Variants in DNAH8 observed in about 807,000 individuals in gnomAD.
DNAH8 encodes dynein axonemal heavy chain 8, also known as axonemal beta dynein heavy chain 8.
A neutral mutation model predicts 562.1 loss-of-function variants in DNAH8; 382 were observed. The observed-to-expected ratio is 0.68, with a 90% confidence interval of 0.63 to 0.74. The LOEUF (loss-of-function observed/expected upper bound fraction) is 0.74, where lower values mean the gene tolerates loss of function less well. Among genes scored for constraint, DNAH8 ranks in the 30% least tolerant of loss-of-function variants. The pLI, the probability that DNAH8 is intolerant of heterozygous loss-of-function variation, is 0.00. For missense variants in DNAH8, 5,203 were observed against 5,620.4 expected, an observed-to-expected ratio of 0.93 and a Z score of 2.37; for synonymous variants, 1,881 against 1,919.4, an observed-to-expected ratio of 0.98 and a Z score of 0.52.
intron 53 of DNAH8, among the ~76,000 whole-genome samples, chr6:38,880,759 G>A (rs61264938): frequency 6.6e-6 from 1 of 152,246 alleles, no homozygotes; most frequent in Admixed American, 6.5e-5. Flanking sequence ...TGGGTGCAGT[G>A]GCTCATGCCT....
At chr6:38,945,913 C>T (rs1761377618) in intron 80 of DNAH8, among the ~76,000 whole-genome samples, 1 of 152,152 alleles carries the variant, frequency 6.6e-6, no homozygotes, top group African/African-American at 2.4e-5. Flanking sequence ...ACTTTAACTT[C>T]TGCCTATGAT....
intron 43 of DNAH8, among the ~76,000 whole-genome samples, chr6:38,861,450 T>C (rs1032781482): frequency 6.6e-6 from 1 of 152,224 alleles, no homozygotes; most frequent in African/African-American, 2.4e-5. Flanking sequence ...AGATTTATTA[T>C]ATTAGTATTC....
chr6:38,828,963 T>G (rs888226963), intron 30 of DNAH8, among the ~76,000 whole-genome samples: 1 of 152,188 alleles, frequency 6.6e-6, no homozygotes, highest in African/African-American at 2.4e-5. Context: ...TCTGGACATT[T>G]AATGTAGACT....
intron 11 of DNAH8, among the ~76,000 whole-genome samples, chr6:38,766,856 TG>T (rs1416985985): frequency 6.6e-6 from 1 of 152,106 alleles, no homozygotes; most frequent in Non-Finnish European, 1.5e-5. Flanking sequence ...TCAATAAAAC[TG>T]GAAAAAAATA....
intron 83 of DNAH8, chr6:38,972,093 G>A (rs1763389479): frequency 6.5e-6 from 1 of 153,766 alleles, no homozygotes; most frequent in Non-Finnish European, 1.4e-5. Flanking sequence ...AGGATGCTAT[G>A]TTTAAATACT....
chr6:38,872,650 CAT>C lies in DNAH8; in HGVS notation c.7107_7108del (p.His2369GlnfsTer25), dbSNP rs1777559208. On this transcript the variant is annotated frameshift_variant, in exon 50 of 93. Transcript: ENST00000327475. LOFTEE classifies it high-confidence loss of function. The part of the protein sequence containing the change: ...MKAQTECGRP[H>X]REMRMNPKAI... The stretch of plus-strand genomic sequence containing the variant: ...GGCGCAAACAGAATGCGGAAGGCCT[CAT>C]AGAGAAATGCGAATGAATCCAAAAG... 6.2e-7 allele frequency: 1 copy of C among 1,613,946 alleles called. No homozygotes were observed. The highest frequency in any genetic ancestry group is 8.5e-7 in the Non-Finnish European group (1 of 1,179,982).
intron 8 of DNAH8, among the ~76,000 whole-genome samples, chr6:38,750,054 G>A (rs192712981): frequency 6.6e-6 from 1 of 152,126 alleles, no homozygotes; most frequent in Non-Finnish European, 1.5e-5. Flanking sequence ...GGATGGTCTC[G>A]ATCTCCTGAC....
At chr6:38,759,333 A>G (rs1766261352) in intron 10 of DNAH8, among the ~76,000 whole-genome samples, 2 of 151,942 alleles carry the variant, frequency 1.3e-5, no homozygotes, top group Admixed American at 6.6e-5. Context: ...AAACAAACAA[A>G]CAAACAAACC....
chr6:38,782,015 A>G (rs1768665471), intron 16 of DNAH8, among the ~76,000 whole-genome samples: 3 of 152,282 alleles, frequency 2.0e-5, no homozygotes, highest in Admixed American at 6.5e-5. Context: ...ATAGAACAAT[A>G]TAACTACAAA....
chr6:38,956,502 G>T (rs959239734), intron 82 of DNAH8, among the ~76,000 whole-genome samples: 2 of 152,032 alleles, frequency 1.3e-5, no homozygotes, highest in Admixed American at 6.6e-5. Flanking sequence ...TCTGCCCCAC[G>T]TCAAGTCCTG....
At chr6:39,011,740 G>T (rs1397502945) in intron 89 of DNAH8, among the ~76,000 whole-genome samples, 2 of 152,322 alleles carry the variant, frequency 1.3e-5, no homozygotes, top group Non-Finnish European at 1.5e-5. Context: ...AGGCAACAAT[G>T]ATCTTTGGAA....
Position 38,860,488 on chromosome 6 carries a change from TTGAA to T in DNAH8, c.5993_5996del (p.Glu1998GlyfsTer2), listed in dbSNP as rs747857619. ...ATGCATATCAAATCACCTACTGACT[TTGAA>T]TGGCTAAAACAGAGTAGATTTTATT... On this transcript the variant is annotated frameshift_variant, in exon 43 of 93. Coordinates refer to ENST00000327475, the MANE Select transcript of DNAH8 (RefSeq NM_001206927.2). LOFTEE classifies it high-confidence loss of function. 1.4e-6 allele frequency: 2 copies of T among 1,466,676 alleles called. No individual in the cohort carries two copies. Among genetic ancestry groups the T allele is most frequent in the South Asian group, 1.5e-5 (1 of 65,228 alleles). 90.9% of individuals were successfully genotyped at this position (1,466,676 alleles called of 1,614,324 possible).
rs36144534 is a variant in DNAH8 at position 39,008,626 on chromosome 6, TA to T, written c.13215-187del. On this transcript the variant is annotated intron_variant, in intron 88 of 92. Coordinates refer to ENST00000327475, the MANE Select transcript of DNAH8 (RefSeq NM_001206927.2). ...TTCAGTGATGTTCTTGATGTCCTAT[TA>T]GGAGGCAGTAGAATGGATCTCTAGT... Among the ~76,000 whole-genome samples, 40,255 of 151,632 alleles carry T rather than the reference TA, an allele frequency of 0.27. 5,990 individuals carry two copies. Among genetic ancestry groups the T allele is most frequent in the Non-Finnish European group, 0.34 (23,333 of 67,890 alleles).
chr6:38,821,794 T>C (rs1772872153), intron 26 of DNAH8, among the ~76,000 whole-genome samples: 1 of 152,190 alleles, frequency 6.6e-6, no homozygotes, highest in South Asian at 2.1e-4. Flanking sequence ...AATCTTGGAC[T>C]CAAACGATCT....
chr6:39,009,256 G>A lies in DNAH8; in HGVS notation c.13371+286G>A, dbSNP rs10947769. 0.11 allele frequency among the ~76,000 whole-genome samples: 16,537 copies of A among 151,278 alleles called. 1,093 individuals carry two copies. Among genetic ancestry groups the A allele is most frequent in the Admixed American group, 0.2 (2,985 of 15,192 alleles). ...ATTCCTCCTCAATCAAAGTTTCCAC[G>A]GTGACCCATTTATATATCAATTTCT... On this transcript the variant is annotated intron_variant, in intron 89 of 92. Transcript: ENST00000327475.
At chr6:39,014,780 G>T (rs1316963568) in intron 91 of DNAH8, among the ~76,000 whole-genome samples, 1 of 152,168 alleles carries the variant, frequency 6.6e-6, no homozygotes, top group East Asian at 1.9e-4. Flanking sequence ...GAGCAAGGCT[G>T]GGGGTAGTGG....
At chr6:38,826,484 A>G (rs1773333230) in intron 29 of DNAH8, 93 bp downstream of exon 29, 1 of 803,292 alleles carries the variant, frequency 1.2e-6, no homozygotes, top group Non-Finnish European at 2.0e-6. Flanking sequence ...TAACATATTC[A>G]TCTATTATGT....
chr6:38,766,013 C>T (rs1766949126), intron 11 of DNAH8, among the ~76,000 whole-genome samples: 2 of 152,152 alleles, frequency 1.3e-5, no homozygotes, highest in South Asian at 2.1e-4. Flanking sequence ...TATCTGCATT[C>T]TTATATTCAT....
chr6:38,785,618 A>C (rs937601320), intron 17 of DNAH8, among the ~76,000 whole-genome samples: 6 of 152,046 alleles, frequency 3.9e-5, no homozygotes, highest in Non-Finnish European at 7.4e-5. Flanking sequence ...TTGTCCTAAT[A>C]CTTTCCCTCC....
Sources: allele counts gnomAD v4.1 joint callset (sites outside exome capture counted in the v4.1 genomes callset), GRCh38; gene constraint gnomAD v4.1.1; transcripts MANE v1.5; gene names NCBI Gene and HGNC (gene_info 2026-07-23, HGNC 2026-07-21).